The following UNC80 variants were observed in gnomAD, a reference collection of about 807,000 sequenced individuals.
UNC80 encodes the protein protein unc-80 homolog.
Under a neutral mutation model 384.6 loss-of-function variants are expected in UNC80, and 164 were observed. The observed-to-expected ratio is 0.43, with a 90% CI of 0.38 to 0.49. The LOEUF is 0.49. Among genes scored for constraint, UNC80 ranks in the 20% least tolerant of loss-of-function variants. The probability of loss-of-function intolerance (pLI) is 0.00; values close to 1 mark genes in which losing one functional copy is unlikely to be tolerated. For missense variants in UNC80, 3,330 were observed against 4,143.0 expected (o/e 0.80, Z 5.39); for synonymous variants, 1,486 against 1,527.8 (o/e 0.97, Z 0.64).
Position 209,944,055 on chromosome 2 carries a change from A to G in UNC80, c.7050+541A>G, listed in dbSNP as rs181671379. 4.6e-5 allele frequency among the ~76,000 whole-genome samples: 7 copies of G among 152,186 alleles called. No homozygotes were observed. In the East Asian group the frequency reaches 7.7e-4, roughly 17 times the overall value. ...TATGATTTAGTCATTGACAGTTTGTATATTCAGTCTCTGAGCTCTCTTTCT... is the reference window on the plus strand; with the variant it reads ...TATGATTTAGTCATTGACAGTTTGTGTATTCAGTCTCTGAGCTCTCTTTCT... On this transcript the variant is annotated intron_variant, in intron 45 of 64. Transcript: ENST00000673920.
intron 61 of UNC80, among the ~76,000 whole-genome samples, chr2:209,988,400 C>G (rs2093330934): frequency 6.6e-6 from 1 of 152,128 alleles, no homozygotes; most frequent in Non-Finnish European, 1.5e-5. Context: ...AAATATACTT[C>G]AATCTATAAT....
chr2:209,865,075 C>T (rs929965681), intron 22 of UNC80, among the ~76,000 whole-genome samples: 5 of 152,188 alleles, frequency 3.3e-5, no homozygotes, highest in African/African-American at 1.2e-4. Flanking sequence ...CCTCCCTTGG[C>T]TTGGGGGAGG....
At chr2:209,793,045 G>T (rs2077923340) in intron 6 of UNC80, among the ~76,000 whole-genome samples, 3 of 152,134 alleles carry the variant, frequency 2.0e-5, no homozygotes, top group Admixed American at 2.0e-4. Flanking sequence ...AATTAAAATC[G>T]TAAGGGCTAA....
intron 28 of UNC80, among the ~76,000 whole-genome samples, chr2:209,902,516 A>T (rs1204643617): frequency 6.6e-6 from 1 of 152,216 alleles, no homozygotes; most frequent in Non-Finnish European, 1.5e-5. Context: ...CATGAAAAGA[A>T]CAGTCAATTA....
intron 52 of UNC80, 191 bp from the exon 53 acceptor site, chr2:209,969,577 G>GC (rs1472628535): frequency 3.0e-6 from 2 of 667,014 alleles, no homozygotes; most frequent in East Asian, 5.8e-5. Flanking sequence ...AGTGGGGCAG[G>GC]CCTGCCTCTG....
chr2:209,944,947 T>A, intron 45 of UNC80, 104 bp from the exon 46 acceptor site: 1 of 1,292,520 alleles, frequency 7.7e-7, no homozygotes, highest in Non-Finnish European at 1.1e-6. Flanking sequence ...CAGGTAGATG[T>A]TGTACTTGTT....
intron 7 of UNC80, chr2:209,809,593 C>A: frequency 1.3e-6 from 1 of 757,772 alleles, no homozygotes; most frequent in East Asian, 2.6e-5. Context: ...CTAGAGGCTC[C>A]CTCTTCCTCT....
chr2:209,918,301 C>A (rs1355078478), intron 32 of UNC80, among the ~76,000 whole-genome samples: 1 of 152,092 alleles, frequency 6.6e-6, no homozygotes, highest in Non-Finnish European at 1.5e-5. Flanking sequence ...AAATAGAGAT[C>A]ATTTGATTGA....
chr2:209,817,109 G>A lies in UNC80; in HGVS notation c.1536G>A (p.Trp512Ter). 1 of 1,551,594 alleles carries A rather than the reference G, an allele frequency of 6.4e-7. No homozygotes were observed. Among genetic ancestry groups the A allele is most frequent in the Non-Finnish European group, 8.7e-7 (1 of 1,146,998 alleles). Residue 512 changes from tryptophan (W) to a stop codon, truncating the protein, a stop_gained, in exon 10 of 65, where the codon TGG becomes TGA. Coordinates refer to ENST00000673920, the MANE Select transcript of UNC80 (RefSeq NM_001371986.1). LOFTEE classifies it high-confidence loss of function. ...EDRRGIEKGGWQTTILGKLTR... is the reference protein window; with the variant it reads ...EDRRGIEKGG ...GGCGAGGAATTGAGAAAGGAGGCTG[G>A]CAAACCACCATTTTAGGTGACCACA...
chr2:209,853,425 T>C (rs1031844744), intron 22 of UNC80, among the ~76,000 whole-genome samples: 1 of 152,066 alleles, frequency 6.6e-6, no homozygotes, highest in Non-Finnish European at 1.5e-5. Flanking sequence ...GACCTGTTTT[T>C]TTTGTTGGTT....
At chr2:209,918,939 T>A (rs2089797976) in intron 33 of UNC80, among the ~76,000 whole-genome samples, 1 of 152,186 alleles carries the variant, frequency 6.6e-6, no homozygotes, top group South Asian at 2.1e-4. Context: ...AAGGTGGCCC[T>A]TTTGCCTCTA....
chr2:209,976,149 G>A lies in UNC80; in HGVS notation c.8618G>A (p.Arg2873Lys). The A allele has an allele frequency of 6.4e-7, 1 of 1,551,648 alleles. No homozygotes were observed. The highest frequency in any genetic ancestry group is 8.7e-7 in the Non-Finnish European group (1 of 1,146,972). The change falls in exon 57 of 65, where the codon AGG becomes AAG. Residue 2873 changes from arginine to lysine, a missense_variant. Arg to Lys is a conservative substitution (Grantham distance 26). Transcript: ENST00000673920. The surrounding 1 kb of genome is among the most constrained non-coding windows in gnomAD (Gnocchi z 4.3). ...AAGGTGATTCTCGTCTGCTTTGAGAGGCAGCTCGGAAGCCAGTGGTACTGG... is the reference window on the plus strand; with the variant it reads ...AAGGTGATTCTCGTCTGCTTTGAGAAGCAGCTCGGAAGCCAGTGGTACTGG... Reference protein sequence around the residue: ...ALKVILVCFERQLGSQWYWLS... With the variant: ...ALKVILVCFEKQLGSQWYWLS...
intron 59 of UNC80, 82 bp downstream of exon 59, chr2:209,978,790 A>C: frequency 7.8e-7 from 1 of 1,286,920 alleles, no homozygotes; most frequent in Non-Finnish European, 1.0e-6. Context: ...TGCCCTTCTG[A>C]CCTTTTCCGC....
In UNC80 at chr2:209,872,720, T is replaced by C. The variant is rs2084405565; in HGVS notation, c.3628-38T>C. On this transcript the variant is annotated intron_variant, in intron 22 of 64. Transcript: ENST00000673920. The surrounding 1 kb of genome is among the most constrained non-coding windows in gnomAD (Gnocchi z 4.1). Reference sequence around the variant, plus strand: ...AGACCAATTTAAAGTTATTGTTCATTAATCCCACATTATTCTTTCCTAAAC... The same window carrying C: ...AGACCAATTTAAAGTTATTGTTCATCAATCCCACATTATTCTTTCCTAAAC... 6.7e-7 allele frequency: 1 copy of C among 1,500,400 alleles called. No homozygotes were observed. The highest frequency in any genetic ancestry group is 9.1e-7 in the Non-Finnish European group (1 of 1,100,938). The allele number at this position is 1,500,400 out of a possible 1,614,324, so 92.9% of individuals were successfully genotyped here. A position where few individuals can be genotyped will look rare whatever the true frequency, so the allele number is the denominator to read the frequency against.
At chr2:209,907,955 A>G (rs2088453327) in intron 29 of UNC80, among the ~76,000 whole-genome samples, 1 of 152,238 alleles carries the variant, frequency 6.6e-6, no homozygotes. Context: ...AGGAAAGGGA[A>G]AGTAAAGCAT....
intron 48 of UNC80, among the ~76,000 whole-genome samples, chr2:209,956,862 C>G (rs1347550172): frequency 1.3e-5 from 2 of 152,126 alleles, no homozygotes; most frequent in Non-Finnish European, 2.9e-5. Flanking sequence ...GTGTCTATCA[C>G]AACAGGCACA....
rs1420729974 is a variant in UNC80, at chr2:209,930,997, T to C, written c.5937T>C (p.Leu1979=). Residue 1979 remains leucine, a synonymous_variant, in exon 38 of 65, where the codon CTT becomes CTC. Transcript: ENST00000673920. ...AGTTAATGTACATGCTGCGCAAACT[T>C]CTCTTGAATATTGGAGACTTTCCTG... ...QDELMYMLRK[L]LLNIGDFPAQ... 2 of 1,550,514 alleles carry C rather than the reference T, an allele frequency of 1.3e-6. No homozygotes were observed. Among genetic ancestry groups the C allele is most frequent in the Non-Finnish European group, 1.7e-6 (2 of 1,146,256 alleles).
At chr2:209,964,889 C>G (rs943486235) in intron 51 of UNC80, among the ~76,000 whole-genome samples, 1 of 150,910 alleles carries the variant, frequency 6.6e-6, no homozygotes, top group African/African-American at 2.4e-5. Context: ...TTATTTTTTC[C>G]TAATTTGTTA....
At chr2:209,945,334 A>C in intron 46 of UNC80, 145 bp downstream of exon 46, 2 of 843,574 alleles carry the variant, frequency 2.4e-6, no homozygotes, top group Non-Finnish European at 3.4e-6. Flanking sequence ...GAACAGTAGT[A>C]GAAATTGAAT....
Sources: allele counts gnomAD v4.1 joint callset (sites outside exome capture counted in the v4.1 genomes callset), GRCh38; gene constraint gnomAD v4.1.1; non-coding constraint Gnocchi (gnomAD v3.1); transcripts MANE v1.5; gene names NCBI Gene and HGNC (gene_info 2026-07-23, HGNC 2026-07-21).